The following ATL1 variants were observed in gnomAD, a reference collection of about 807,000 sequenced individuals.
The protein encoded by ATL1 is atlastin-1.
Under a neutral mutation model 75.5 loss-of-function variants are expected in ATL1, and 31 were observed. The observed-to-expected ratio is 0.41, with a 90% CI of 0.31 to 0.55. ATL1 has a LOEUF of 0.55. Ranked by LOEUF, ATL1 falls within the 20% of genes least tolerant of loss-of-function variation. The pLI, the probability that ATL1 is intolerant of heterozygous loss-of-function variation, is 0.27. For synonymous variants in ATL1, 226 were observed against 233.3 expected, an observed-to-expected ratio of 0.97 and a Z score of 0.28; for missense variants, 405 against 662.6, an observed-to-expected ratio of 0.61 and a Z score of 4.27.
intron 13 of ATL1, chr14:50,630,803 C>A: frequency 1.8e-5 from 6 of 328,166 alleles, no homozygotes; most frequent in East Asian, 9.9e-5. Flanking sequence ...ATTAAAAAAG[C>A]AAAAGCAAAT....
intron 1 of ATL1, among the ~76,000 whole-genome samples, chr14:50,553,396 A>G (rs2038726658): frequency 6.6e-6 from 1 of 152,140 alleles, no homozygotes; most frequent in Non-Finnish European, 1.5e-5. Context: ...CAAAACCACA[A>G]TGAGATACAA....
At chr14:50,556,804 GT>G (rs2140168124), upstream of ATL1, among the ~76,000 whole-genome samples, 1 of 152,260 alleles carries the variant, frequency 6.6e-6, no homozygotes, top group East Asian at 1.9e-4. Flanking sequence ...GTCCATCCAT[GT>G]TGTACCATAT....
chr14:50,563,508 C>G (rs1232873734), intron 1 of ATL1, among the ~76,000 whole-genome samples: 1 of 152,102 alleles, frequency 6.6e-6, no homozygotes, highest in Non-Finnish European at 1.5e-5. Flanking sequence ...AAGAAAAAGG[C>G]ATCAAGGTAG....
At chr14:50,551,181 A>G (rs1228292914) in intron 1 of ATL1, among the ~76,000 whole-genome samples, 1 of 152,190 alleles carries the variant, frequency 6.6e-6, no homozygotes, top group African/African-American at 2.4e-5. Flanking sequence ...TCAATTAGAA[A>G]CAAAATGGAA....
intron 1 of ATL1, among the ~76,000 whole-genome samples, chr14:50,553,390 A>G (rs2038726525): frequency 1.3e-5 from 2 of 152,028 alleles, no homozygotes; most frequent in South Asian, 4.1e-4. Context: ...GCAAATCAAA[A>G]CCACAATGAG....
intron 2 of ATL1, among the ~76,000 whole-genome samples, chr14:50,590,597 C>T (rs1220480065): frequency 6.6e-6 from 1 of 152,250 alleles, no homozygotes; most frequent in African/African-American, 2.4e-5. Flanking sequence ...TATTTATTTT[C>T]TATGCTACCA....
At chr14:50,612,734 T>TCTTAA (rs1240464372) in intron 6 of ATL1, among the ~76,000 whole-genome samples, 6 of 152,192 alleles carry the variant, frequency 3.9e-5, no homozygotes, top group African/African-American at 1.4e-4. Flanking sequence ...ATGTTAACTA[T>TCTTAA]CGTTAAATCC....
chr14:50,540,899 A>G (rs1449624093), intron 1 of ATL1, among the ~76,000 whole-genome samples: 2 of 152,242 alleles, frequency 1.3e-5, no homozygotes, highest in African/African-American at 2.4e-5. Context: ...CATTAAAGAT[A>G]TGAAAGATAC....
In ATL1 at chr14:50,620,689, A is replaced by T. The variant is rs770538531; in HGVS notation, c.953A>T (p.Asn318Ile). 114 of 1,613,678 alleles carry T rather than the reference A, an allele frequency of 7.1e-5. No homozygotes were observed. Among genetic ancestry groups the T allele is most frequent in the Non-Finnish European group, 9.5e-5 (112 of 1,179,766 alleles). ...ESLDIKEING[N>I]KITCRGLVEY... ...CTAGATATTAAAGAGATCAATGGGA[A>T]TAAAATCACCTGCCGGGGTCTGGTG... The change falls in exon 9 of 14, where the codon AAT becomes ATT. Residue 318 changes from asparagine (N) to isoleucine (I), a missense_variant. Asn to Ile is a moderately radical substitution (Grantham distance 149). Transcript: ENST00000358385.
At chr14:50,560,416 A>C in intron 1 of ATL1, 117 bp downstream of exon 1, 1 of 1,364,062 alleles carries the variant, frequency 7.3e-7, no homozygotes, top group Non-Finnish European at 1.0e-6. Flanking sequence ...CACGGCTGGG[A>C]GACGGGCCGT....
At chr14:50,565,447 T>G (rs1040179324) in intron 1 of ATL1, among the ~76,000 whole-genome samples, 8 of 150,866 alleles carry the variant, frequency 5.3e-5, no homozygotes, top group African/African-American at 2.0e-4. Context: ...ATCGCACCAC[T>G]GTACTCCAGC....
At chr14:50,631,161 G>A (rs190629741) in intron 13 of ATL1, 14 of 212,436 alleles carry the variant, frequency 6.6e-5, no homozygotes, top group South Asian at 6.2e-4. Context: ...TGGGGAGGCT[G>A]AGGCAAGAGA....
chr14:50,542,788 C>T (rs1439815273), intron 1 of ATL1, among the ~76,000 whole-genome samples: 1 of 152,152 alleles, frequency 6.6e-6, no homozygotes, highest in Non-Finnish European at 1.5e-5. Flanking sequence ...TCTGTGCCCA[C>T]ACCATAATGG....
intron 9 of ATL1, 102 bp downstream of exon 9, chr14:50,620,828 G>A: frequency 7.4e-7 from 1 of 1,346,642 alleles, no homozygotes. Context: ...TGGGAGCAAA[G>A]GTACGAGGAA....
At chr14:50,548,944 C>A (rs991845552) in intron 1 of ATL1, among the ~76,000 whole-genome samples, 1 of 152,142 alleles carries the variant, frequency 6.6e-6, no homozygotes, top group Non-Finnish European at 1.5e-5. Flanking sequence ...AACTGCCTAC[C>A]CCATAAAAGG....
intron 1 of ATL1, among the ~76,000 whole-genome samples, chr14:50,548,654 C>G (rs945436759): frequency 4.6e-5 from 7 of 152,096 alleles, no homozygotes; most frequent in African/African-American, 1.7e-4. Context: ...GGACTACAGG[C>G]ACACACCGCC....
intron 6 of ATL1, among the ~76,000 whole-genome samples, chr14:50,609,391 A>T (rs1566729685): frequency 6.6e-6 from 1 of 151,448 alleles, no homozygotes; most frequent in Non-Finnish European, 1.5e-5. Context: ...GTGCCAAATT[A>T]AAAAAAAACT....
At chr14:50,571,681 C>T (rs1010853821) in intron 1 of ATL1, among the ~76,000 whole-genome samples, 27 of 152,208 alleles carry the variant, frequency 1.8e-4, no homozygotes, top group African/African-American at 6.3e-4. Context: ...TAAATCCAGG[C>T]TAGTCATGTT....
At chr14:50,610,519 T>G (rs2039355882) in intron 6 of ATL1, among the ~76,000 whole-genome samples, 1 of 152,128 alleles carries the variant, frequency 6.6e-6, no homozygotes, top group Non-Finnish European at 1.5e-5. Context: ...ACTTTTATTT[T>G]ATTCAAAATA....
Sources: gnomAD v4.1 joint callset for allele counts (sites outside exome capture counted in the v4.1 genomes callset) on GRCh38, gnomAD v4.1.1 for gene constraint, MANE v1.5 for transcripts, NCBI Gene and HGNC (gene_info 2026-07-23, HGNC 2026-07-21) for gene names.